CLDN16: variants seen among roughly 807,000 people sequenced by gnomAD.
CLDN16 encodes claudin-16.
CLDN16 carries 13 observed loss-of-function variants against 24.6 expected under a neutral mutation model. The ratio of observed to expected loss-of-function variants is 0.53; its 90% CI spans 0.34 to 0.84. The LOEUF is 0.84. CLDN16 is among the 40% of genes least tolerant of loss of function. CLDN16 has a pLI of 0.01. For synonymous variants in CLDN16, 116 were observed against 106.7 expected (o/e 1.09, Z -0.54); for missense variants, 298 against 292.7 (o/e 1.02, Z -0.13).
chr3:190,326,068 C>T (rs1198906335), intron 1 of CLDN16, among the ~76,000 whole-genome samples: 2 of 152,136 alleles, frequency 1.3e-5, no homozygotes, highest in Non-Finnish European at 2.9e-5. Context: ...CCATTACTGC[C>T]ACTTAAAGTA....
chr3:190,350,809 T>C (rs1396938036), intron 1 of CLDN16, among the ~76,000 whole-genome samples: 1 of 152,182 alleles, frequency 6.6e-6, no homozygotes, highest in Non-Finnish European at 1.5e-5. Flanking sequence ...GCAAATCTTT[T>C]ATCATTGAGT....
At chr3:190,371,298 A>G (rs908663753) in intron 2 of CLDN16, among the ~76,000 whole-genome samples, 1 of 151,684 alleles carries the variant, frequency 6.6e-6, no homozygotes, top group Non-Finnish European at 1.5e-5. Flanking sequence ...AACATCTCAT[A>G]TAGGCAAGTA....
In CLDN16 at chr3:190,408,681, G is replaced by T. The variant is rs555036074; in HGVS notation, c.574+176G>T. 3.0e-3 allele frequency among the ~76,000 whole-genome samples: 451 copies of T among 150,758 alleles called. 1 individual carries two copies. Among genetic ancestry groups the T allele is most frequent in the Admixed American group, 7.2e-3 (109 of 15,178 alleles). On this transcript the variant is annotated intron_variant, in intron 4 of 4. Coordinates refer to ENST00000264734, the MANE Select transcript of CLDN16 (RefSeq NM_006580.4). The stretch of plus-strand genomic sequence containing the variant: ...TGTAATACTCAAACATTATTACCCA[G>T]TTAGTTCTATATTAATTGAAAAATA...
At chr3:190,343,946 T>C (rs181270795) in intron 1 of CLDN16, among the ~76,000 whole-genome samples, 1 of 151,894 alleles carries the variant, frequency 6.6e-6, no homozygotes, top group East Asian at 1.9e-4. Flanking sequence ...AGATTTTTGC[T>C]ACATGGGTAG....
At chr3:190,363,552 G>GCATATA (rs1717946530) in intron 1 of CLDN16, among the ~76,000 whole-genome samples, 1 of 12,132 alleles carries the variant, frequency 8.2e-5, no homozygotes, top group Non-Finnish European at 1.9e-4. Flanking sequence ...GTGTGTGTGT[G>GCATATA]TGTGTATATA....
In CLDN16 at chr3:190,398,508, G is replaced by A. The variant is rs1027006083; in HGVS notation, c.115-3829G>A. On this transcript the variant is annotated intron_variant, in intron 1 of 4. Transcript: ENST00000264734. Reference sequence around the variant, plus strand: ...TATAATGAAATTTGTCAGCCCACCTGTATAACCCAATATGATCTCAAGGTC... The same window carrying A: ...TATAATGAAATTTGTCAGCCCACCTATATAACCCAATATGATCTCAAGGTC... 2.0e-5 allele frequency among the ~76,000 whole-genome samples: 3 copies of A among 152,104 alleles called. No individual in the cohort carries two copies. In the South Asian group the frequency reaches 6.2e-4, roughly 32 times the overall value.
At chr3:190,362,009 C>CTGGTCT (rs111716772) in intron 1 of CLDN16, among the ~76,000 whole-genome samples, 1 of 104,886 alleles carries the variant, frequency 9.5e-6, no homozygotes, top group African/African-American at 3.9e-5. Context: ...CTGGTCTAAC[C>CTGGTCT]AGTCTAACCT....
intron 1 of CLDN16, among the ~76,000 whole-genome samples, chr3:190,347,786 G>A (rs774491984): frequency 6.6e-5 from 10 of 152,234 alleles, no homozygotes; most frequent in Admixed American, 3.3e-4. Context: ...CTGAAGTGGC[G>A]ACAAGTGAGC....
At chr3:190,313,783 T>C in the CLDN16 span, among the ~76,000 whole-genome samples, 342 of 152,294 alleles carry the variant, frequency 2.2e-3, 2 homozygotes, top group African/African-American at 7.6e-3. Flanking sequence ...TTCTCAGGAT[T>C]CCATTTTTTC....
At chr3:190,384,868 A>G (rs1179171847), upstream of CLDN16, among the ~76,000 whole-genome samples, 2 of 152,166 alleles carry the variant, frequency 1.3e-5, no homozygotes, top group Non-Finnish European at 2.9e-5. Context: ...ATCTGAAAAT[A>G]TTTTGTAAAC....
the CLDN16 span, among the ~76,000 whole-genome samples, chr3:190,298,587 C>G: frequency 6.6e-6 from 1 of 151,950 alleles, no homozygotes; most frequent in Non-Finnish European, 1.5e-5. Context: ...TCCCAAGTAG[C>G]TGGAATTACA....
chr3:190,294,461 A>G, the CLDN16 span, among the ~76,000 whole-genome samples: 1 of 152,252 alleles, frequency 6.6e-6, no homozygotes, highest in East Asian at 1.9e-4. Context: ...ATTGAATGTA[A>G]ATTAATTTAA....
chr3:190,406,267 T>C (rs1719095074), intron 3 of CLDN16, among the ~76,000 whole-genome samples: 2 of 152,242 alleles, frequency 1.3e-5, no homozygotes, highest in Admixed American at 6.5e-5. Context: ...GATTGTATTA[T>C]AAAGTTACAA....
rs115460615 is a variant in CLDN16 at position 190,380,087 on chromosome 3, C to T, written n.306+5484C>T. ...ATAGTTACTAAGTGGCTGACCTAAG[C>T]CTGACATATTCTCTACTTGGTGAAT... On this transcript the variant is annotated intron_variant and non_coding_transcript_variant, in intron 3 of 4. Transcript: ENST00000468220. Among the ~76,000 whole-genome samples the T allele has an allele frequency of 7.9e-3, 1,186 of 149,566 alleles. 70 individuals are homozygous for T. The highest frequency in any genetic ancestry group is 0.013 in the Non-Finnish European group (859 of 66,400).
chr3:190,402,267 C>G, intron 1 of CLDN16, 70 bp from the exon 2 acceptor site: 6 of 1,218,094 alleles, frequency 4.9e-6, no homozygotes, highest in South Asian at 2.4e-5. Context: ...ACCAACTTCT[C>G]TTTTTGATCA....
intron 3 of CLDN16, among the ~76,000 whole-genome samples, chr3:190,382,034 A>T (rs2108653973): frequency 6.6e-6 from 1 of 152,196 alleles, no homozygotes; most frequent in South Asian, 2.1e-4. Flanking sequence ...AGAAAAAAAA[A>T]AGCCTCAACT....
chr3:190,333,925 T>G (rs987548339), intron 1 of CLDN16, among the ~76,000 whole-genome samples: 1 of 152,102 alleles, frequency 6.6e-6, no homozygotes, highest in Admixed American at 6.5e-5. Context: ...CATGTAAATT[T>G]TATGAAAATT....
chr3:190,339,704 T>G (rs1717386451), intron 1 of CLDN16, among the ~76,000 whole-genome samples: 1 of 152,194 alleles, frequency 6.6e-6, no homozygotes, highest in Admixed American at 6.5e-5. Context: ...CCTTAAAAAC[T>G]CATTAAACAA....
intron 1 of CLDN16, among the ~76,000 whole-genome samples, chr3:190,363,541 C>CGT (rs202074908): frequency 0.011 from 192 of 16,926 alleles, no homozygotes; most frequent in Middle Eastern, 0.2. Context: ...AGTTGCTGTG[C>CGT]GTGTGTGTGT....
Sources: gnomAD v4.1 joint callset for allele counts (sites outside exome capture counted in the v4.1 genomes callset) on GRCh38, gnomAD v4.1.1 for gene constraint, MANE v1.5 for transcripts, NCBI Gene and HGNC (gene_info 2026-07-23, HGNC 2026-07-21) for gene names.